Variants in CSMD3 observed in about 807,000 individuals in gnomAD.
CSMD3 encodes CUB and Sushi multiple domains 3.
A neutral mutation model predicts 435.2 loss-of-function variants in CSMD3; 177 were observed. The observed-to-expected ratio is 0.41, with a 90% CI of 0.36 to 0.46. The LOEUF (loss-of-function observed/expected upper bound fraction) is 0.46. CSMD3 is among the 20% of genes least tolerant of loss of function. The pLI, the probability that CSMD3 is intolerant of heterozygous loss-of-function variation, is 0.34. For synonymous variants in CSMD3, 1,656 were observed against 1,520.5 expected (o/e 1.09, Z -2.07); for missense variants, 4,265 against 4,504.6 (o/e 0.95, Z 1.52).
chr8:113,231,833 G>T lies in CSMD3; in HGVS notation c.514+46759C>A, dbSNP rs1451563379. Among the ~76,000 whole-genome samples, 3 of 151,400 alleles carry T rather than the reference G, an allele frequency of 2.0e-5. No individual in the cohort carries two copies. In the Admixed American group the frequency reaches 2.0e-4, roughly 10 times the overall value. On this transcript the variant is annotated intron_variant, in intron 3 of 70. Coordinates refer to ENST00000297405, the MANE Select transcript of CSMD3 (RefSeq NM_198123.2). The stretch of plus-strand genomic sequence containing the variant: ...GAACAACTGGTATAACATGAAAAGT[G>T]AATGATCATTTAGTCATAGGCTATT...
At position 112,843,293 on chromosome 8, in the gene CSMD3, GATTTAGATGCTC is replaced by G. The variant is rs1206780098; in HGVS notation, c.1756-13516_1756-13505del. Among the ~76,000 whole-genome samples the G allele has an allele frequency of 2.0e-5, 3 of 151,882 alleles. No individual in the cohort carries two copies. The East Asian group carries it at 5.8e-4, about 30-fold the overall frequency. The stretch of plus-strand genomic sequence containing the variant: ...TTGAGGGCTCCTCCCTTGTAAATGG[GATTTAGATGCTC>G]ATAAAAGAGGCAGCATTAAGCTCCC... On this transcript the variant is annotated intron_variant, in intron 11 of 70. Transcript: ENST00000297405.
At chr8:113,222,528 G>T (rs553446422) in intron 3 of CSMD3, among the ~76,000 whole-genome samples, 4 of 150,942 alleles carry the variant, frequency 2.7e-5, no homozygotes, top group Non-Finnish European at 5.9e-5. Context: ...TCAAAGTACT[G>T]TATGAGTCCA....
intron 2 of CSMD3, among the ~76,000 whole-genome samples, chr8:113,291,614 GAA>G (rs963092356): frequency 1.3e-5 from 2 of 151,786 alleles, no homozygotes; most frequent in African/African-American, 4.8e-5. Flanking sequence ...TTACACTATG[GAA>G]ATAGACAAGA....
intron 38 of CSMD3, among the ~76,000 whole-genome samples, chr8:112,380,085 G>A (rs1391481313): frequency 6.6e-6 from 1 of 152,114 alleles, no homozygotes; most frequent in East Asian, 1.9e-4. Flanking sequence ...ATACAATATT[G>A]CACACTTAAA....
At chr8:112,751,179 T>C (rs1165022707) in intron 13 of CSMD3, among the ~76,000 whole-genome samples, 1 of 152,162 alleles carries the variant, frequency 6.6e-6, no homozygotes, top group Non-Finnish European at 1.5e-5. Flanking sequence ...ACTGAGTCCA[T>C]TAAACCTCTT....
chr8:113,142,206 T>C (rs1321844017), intron 4 of CSMD3, among the ~76,000 whole-genome samples: 2 of 151,402 alleles, frequency 1.3e-5, no homozygotes, highest in African/African-American at 4.8e-5. Flanking sequence ...AATTGATTTA[T>C]ATGTTTACTG....
In CSMD3 at chr8:113,100,682, C is replaced by T. The variant is rs148231903; in HGVS notation, c.710-1719G>A. Among the ~76,000 whole-genome samples the T allele has an allele frequency of 6.9e-3, 1,050 of 152,178 alleles. 13 individuals carry two copies. Among genetic ancestry groups the T allele is most frequent in the African/African-American group, 0.024 (1,001 of 41,540 alleles). The stretch of plus-strand genomic sequence containing the variant: ...TAAAAAGTATATGAAGTAAGGCATA[C>T]GTTAATTAGCTCAATGTAGCCATTC... On this transcript the variant is annotated intron_variant, in intron 4 of 70. Transcript: ENST00000297405.
intron 1 of CSMD3, among the ~76,000 whole-genome samples, chr8:113,337,777 C>T (rs2094088005): frequency 1.3e-5 from 2 of 151,726 alleles, no homozygotes; most frequent in South Asian, 4.1e-4. Context: ...TATTGTATAA[C>T]ATGGTGACTA....
intron 4 of CSMD3, among the ~76,000 whole-genome samples, chr8:113,153,076 A>AAG (rs1554791088): frequency 4.5e-5 from 4 of 89,218 alleles, no homozygotes; most frequent in African/African-American, 5.6e-5. Flanking sequence ...AAAAGAAAGA[A>AAG]AAAGAAAGAA....
intron 31 of CSMD3, among the ~76,000 whole-genome samples, chr8:112,480,618 A>G (rs1044264408): frequency 6.6e-6 from 1 of 151,930 alleles, no homozygotes; most frequent in Admixed American, 6.6e-5. Flanking sequence ...ACCATGTAGC[A>G]CCTTCCCCCT....
intron 32 of CSMD3, among the ~76,000 whole-genome samples, chr8:112,460,671 T>C (rs547136569): frequency 2.4e-4 from 36 of 152,230 alleles, no homozygotes; most frequent in African/African-American, 8.7e-4. Context: ...ATAAATATTA[T>C]AGAAGATTGA....
At chr8:113,118,585 C>G (rs1427508248) in intron 4 of CSMD3, among the ~76,000 whole-genome samples, 2 of 150,384 alleles carry the variant, frequency 1.3e-5, no homozygotes, top group Admixed American at 6.6e-5. Flanking sequence ...TCATTTCAGC[C>G]CAGTAGGTCG....
chr8:112,281,474 T>A, intron 58 of CSMD3, 124 bp from the exon 59 acceptor site: 1 of 747,372 alleles, frequency 1.3e-6, no homozygotes, highest in Non-Finnish European at 2.3e-6. Context: ...CTAAAATAAG[T>A]AGTAAAGTAT....
At position 113,215,223 on chromosome 8, in the gene CSMD3, C is replaced by G. The variant is rs567214897; in HGVS notation, c.515-41307G>C. ...TCCCTTTTGAGCTTTGAGGCAGAGG[C>G]AAAATTCTGACATGGTTTGGTTGAT... is the stretch of plus-strand genomic sequence containing the variant. On this transcript the variant is annotated intron_variant, in intron 3 of 70. Coordinates refer to ENST00000297405, the MANE Select transcript of CSMD3 (RefSeq NM_198123.2). 2.6e-5 allele frequency among the ~76,000 whole-genome samples: 4 copies of G among 151,896 alleles called. No homozygotes were observed. In the East Asian group the frequency reaches 7.8e-4, roughly 29 times the overall value.
intron 12 of CSMD3, among the ~76,000 whole-genome samples, chr8:112,821,115 T>C (rs2079519068): frequency 6.6e-6 from 1 of 152,188 alleles, no homozygotes; most frequent in East Asian, 1.9e-4. Flanking sequence ...AATAAACCTA[T>C]GTGTGCATGT....
chr8:113,332,196 A>T (rs144846079), intron 1 of CSMD3, among the ~76,000 whole-genome samples: 10 of 151,696 alleles, frequency 6.6e-5, no homozygotes, highest in African/African-American at 1.9e-4. Flanking sequence ...TGCCTTAATT[A>T]AAAAAATACT....
At chr8:113,021,179 GCTGA>G (rs1186859253) in intron 5 of CSMD3, among the ~76,000 whole-genome samples, 1 of 151,934 alleles carries the variant, frequency 6.6e-6, no homozygotes, top group Non-Finnish European at 1.5e-5. Context: ...TATTTGTTGA[GCTGA>G]CTGACTTTTT....
Position 112,900,365 on chromosome 8 carries a change from G to GTC in CSMD3, c.1633+21260_1633+21261dup, listed in dbSNP as rs1254888359. On this transcript the variant is annotated intron_variant, in intron 10 of 70. Transcript: ENST00000297405. ...ATTTAAATTTTGGAAGATGAGATGT[G>GTC]TCTCTCTCTAGAGTCTGGAGCAATA... Among the ~76,000 whole-genome samples, 8 of 151,246 alleles carry GTC rather than the reference G, an allele frequency of 5.3e-5. No homozygotes were observed. The East Asian group carries it at 1.6e-3, about 30-fold the overall frequency.
chr8:113,325,564 T>C (rs1052265426), intron 1 of CSMD3, among the ~76,000 whole-genome samples: 18 of 152,226 alleles, frequency 1.2e-4, no homozygotes, highest in African/African-American at 4.3e-4. Context: ...GTCTCGGGTA[T>C]GTCTTTATCA....
Sources: allele counts gnomAD v4.1 joint callset (sites outside exome capture counted in the v4.1 genomes callset), GRCh38; gene constraint gnomAD v4.1.1; transcripts MANE v1.5; gene names NCBI Gene and HGNC (gene_info 2026-07-23, HGNC 2026-07-21).